The following PTPRN2 variants were observed in gnomAD, a reference collection of about 807,000 sequenced individuals.
PTPRN2 encodes receptor-type tyrosine-protein phosphatase N2.
A neutral mutation model predicts 118.8 loss-of-function variants in PTPRN2; 74 were observed. The observed-to-expected ratio is 0.62, with a 90% CI of 0.52 to 0.76. The LOEUF (loss-of-function observed/expected upper bound fraction) is 0.76, where lower values mean the gene tolerates loss of function less well. PTPRN2 is among the 30% of genes least tolerant of loss of function. PTPRN2 has a pLI of 0.00. For synonymous variants in PTPRN2, 641 were observed against 608.0 expected, an observed-to-expected ratio of 1.05 and a Z score of -0.80; for missense variants, 1,481 against 1,394.4, an observed-to-expected ratio of 1.06 and a Z score of -0.99.
chr7:157,669,495 A>G (rs757824988), intron 13 of PTPRN2: 16 of 473,488 alleles, frequency 3.4e-5, no homozygotes, highest in Non-Finnish European at 6.7e-5. Context: ...AGAGCTCTGC[A>G]GGCCCCTCCC....
intron 13 of PTPRN2, among the ~76,000 whole-genome samples, chr7:157,666,046 G>C (rs6975463): frequency 6.6e-6 from 1 of 152,084 alleles, no homozygotes; most frequent in East Asian, 1.9e-4. Context: ...TGACGAGTTG[G>C]TGGGTGCAGC....
At chr7:157,942,490 G>A (rs1297313663) in intron 11 of PTPRN2, among the ~76,000 whole-genome samples, 1 of 152,122 alleles carries the variant, frequency 6.6e-6, no homozygotes, top group Non-Finnish European at 1.5e-5. Flanking sequence ...ACAAAATGCT[G>A]CTGGGGTAAT....
chr7:157,580,828 C>T (rs1445803352), intron 17 of PTPRN2, among the ~76,000 whole-genome samples: 3 of 125,436 alleles, frequency 2.4e-5, no homozygotes, highest in Non-Finnish European at 1.7e-5. Flanking sequence ...ACCTGCACAC[C>T]CCAGCACCTG....
intron 9 of PTPRN2, among the ~76,000 whole-genome samples, chr7:158,133,195 C>G (rs990019838): frequency 1.3e-5 from 2 of 152,208 alleles, no homozygotes; most frequent in Non-Finnish European, 2.9e-5. Flanking sequence ...ACAGATAAAG[C>G]ACCTGGAGTC....
At chr7:158,270,929 C>CAT (rs1329392897) in intron 3 of PTPRN2, among the ~76,000 whole-genome samples, 1 of 26,234 alleles carries the variant, frequency 3.8e-5, no homozygotes, top group Non-Finnish European at 6.5e-5. Context: ...GACCACCCCC[C>CAT]CCACCTGGAC....
chr7:158,582,035 C>T (rs1035758152), intron 1 of PTPRN2, among the ~76,000 whole-genome samples: 2 of 152,146 alleles, frequency 1.3e-5, no homozygotes, highest in Non-Finnish European at 2.9e-5. Context: ...TTAGAGATAA[C>T]AGGAATTAAA....
intron 12 of PTPRN2, among the ~76,000 whole-genome samples, chr7:157,846,149 T>C (rs183222720): frequency 1.7e-3 from 252 of 152,258 alleles, no homozygotes; most frequent in African/African-American, 4.9e-3. Context: ...GGGCTGGGTC[T>C]GCGTCCAGCC....
intron 11 of PTPRN2, among the ~76,000 whole-genome samples, chr7:157,978,279 T>A (rs770539869): frequency 3.3e-5 from 5 of 151,914 alleles, no homozygotes; most frequent in Non-Finnish European, 7.4e-5. Context: ...GCTGCCGCCA[T>A]CTCCGCCGTC....
At chr7:157,951,836 G>A (rs1800829467) in intron 11 of PTPRN2, among the ~76,000 whole-genome samples, 2 of 152,338 alleles carry the variant, frequency 1.3e-5, no homozygotes, top group African/African-American at 4.8e-5. Flanking sequence ...GTCCGGCAGT[G>A]GATGCCAGTG....
At chr7:158,277,656 T>C (rs1799112884) in intron 3 of PTPRN2, among the ~76,000 whole-genome samples, 1 of 152,194 alleles carries the variant, frequency 6.6e-6, no homozygotes, top group African/African-American at 2.4e-5. Flanking sequence ...GGCTGGGACA[T>C]ATAGCTCTGG....
rs1801486385 is a variant in PTPRN2, at chr7:157,598,618, A to G, written c.2419-3303T>C. Among the ~76,000 whole-genome samples, 1 of 152,130 alleles carries G rather than the reference A, an allele frequency of 6.6e-6. No homozygotes were observed. Among genetic ancestry groups the G allele is most frequent in the African/African-American group, 2.4e-5 (1 of 41,428 alleles). On this transcript the variant is annotated intron_variant, in intron 16 of 22. Transcript: ENST00000389418. This position sits in a 1 kb window ranked among gnomAD's most constrained non-coding sequence, Gnocchi z 5.2. ...GATTCCAGTGCACGTGCATGTGCAG[A>G]CTCGTCTGTGTGTATGTGTGTGTCC... is the stretch of plus-strand genomic sequence containing the variant.
At chr7:157,639,850 T>C (rs937219031) in intron 14 of PTPRN2, among the ~76,000 whole-genome samples, 2 of 152,176 alleles carry the variant, frequency 1.3e-5, no homozygotes, top group African/African-American at 4.8e-5. Context: ...GGACTCAAAA[T>C]GGGAAGACGC....
chr7:158,116,595 C>T (rs951421631), intron 9 of PTPRN2, among the ~76,000 whole-genome samples: 2 of 152,270 alleles, frequency 1.3e-5, no homozygotes, highest in African/African-American at 4.8e-5. Context: ...TCTGCAATCT[C>T]ACTGCTGATT....
chr7:158,071,812 TC>T (rs1811861126), intron 11 of PTPRN2, among the ~76,000 whole-genome samples: 3 of 94,750 alleles, frequency 3.2e-5, no homozygotes, highest in African/African-American at 4.8e-5. Context: ...GTGGAGGTGC[TC>T]GTCGTATGGA....
At chr7:158,440,350 AG>A (rs1481805457) in intron 2 of PTPRN2, among the ~76,000 whole-genome samples, 1 of 152,210 alleles carries the variant, frequency 6.6e-6, no homozygotes, top group East Asian at 1.9e-4. Context: ...CTGGTGCAGT[AG>A]GGTTCTAGCA....
At chr7:158,196,730 T>A (rs1167914609) in intron 4 of PTPRN2, among the ~76,000 whole-genome samples, 1 of 152,150 alleles carries the variant, frequency 6.6e-6, no homozygotes, top group Non-Finnish European at 1.5e-5. Context: ...GTGCCCCCGA[T>A]GCCAGTGGAA....
At chr7:158,502,999 A>C (rs1014346613) in intron 1 of PTPRN2, among the ~76,000 whole-genome samples, 24 of 148,318 alleles carry the variant, frequency 1.6e-4, no homozygotes, top group African/African-American at 6.1e-4. Flanking sequence ...CACTGTGTCC[A>C]TCAGCCACTG....
intron 12 of PTPRN2, among the ~76,000 whole-genome samples, chr7:157,746,386 ACGGGAC>A (rs1800939565): frequency 1.4e-5 from 2 of 148,040 alleles, no homozygotes; most frequent in African/African-American, 5.0e-5. Context: ...CAAGGAGATC[ACGGGAC>A]TCCCCGCACC....
At chr7:157,998,114 G>A (rs539280323) in intron 11 of PTPRN2, among the ~76,000 whole-genome samples, 3 of 149,638 alleles carry the variant, frequency 2.0e-5, no homozygotes, top group Admixed American at 1.3e-4. Flanking sequence ...GAGGGGGAGA[G>A]GAGTGTGGGG....
Sources: allele counts gnomAD v4.1 joint callset (sites outside exome capture counted in the v4.1 genomes callset), GRCh38; gene constraint gnomAD v4.1.1; non-coding constraint Gnocchi (gnomAD v3.1); transcripts MANE v1.5; gene names NCBI Gene and HGNC (gene_info 2026-07-23, HGNC 2026-07-21).